The following CDH9 variants were observed in gnomAD, a reference collection of about 807,000 sequenced individuals.
CDH9 encodes cadherin 9.
A neutral mutation model predicts 70.9 loss-of-function variants in CDH9; 28 were observed. The observed-to-expected ratio is 0.40, with a 90% CI of 0.29 to 0.54. The LOEUF is 0.54. Among genes scored for constraint, CDH9 ranks in the 20% least tolerant of loss-of-function variants. CDH9 has a pLI of 0.59. For missense variants in CDH9, 874 were observed against 984.4 expected (o/e 0.89, Z 1.50); for synonymous variants, 409 against 343.1 (o/e 1.19, Z -2.12).
At chr5:26,921,019 T>C (rs1561195609) in intron 2 of CDH9, among the ~76,000 whole-genome samples, 2 of 152,098 alleles carry the variant, frequency 1.3e-5, no homozygotes, top group Admixed American at 6.5e-5. Flanking sequence ...ATGAACTAAA[T>C]AGGGCACCAG....
chr5:26,929,901 T>C (rs377343733), intron 2 of CDH9, among the ~76,000 whole-genome samples: 2 of 151,884 alleles, frequency 1.3e-5, no homozygotes. Context: ...AAAATATAGT[T>C]AGGGGGAATG....
intron 2 of CDH9, among the ~76,000 whole-genome samples, chr5:26,952,130 A>T (rs1741856729): frequency 6.6e-6 from 1 of 150,562 alleles, no homozygotes; most frequent in Non-Finnish European, 1.5e-5. Flanking sequence ...CACCTGGCTA[A>T]TTTTTGTATT....
chr5:27,008,028 G>C (rs1031791391), intron 1 of CDH9, among the ~76,000 whole-genome samples: 7 of 152,052 alleles, frequency 4.6e-5, no homozygotes, highest in African/African-American at 1.7e-4. Flanking sequence ...TATACATGTG[G>C]AACAGAAAAA....
chr5:26,976,804 A>G (rs1034732552), intron 2 of CDH9, among the ~76,000 whole-genome samples: 4 of 152,044 alleles, frequency 2.6e-5, no homozygotes, highest in Non-Finnish European at 5.9e-5. Context: ...TTTGTGAATT[A>G]TCTATTAAGT....
intron 5 of CDH9, among the ~76,000 whole-genome samples, chr5:26,904,179 T>C (rs1364468680): frequency 6.8e-6 from 1 of 147,272 alleles, no homozygotes; most frequent in Non-Finnish European, 1.5e-5. Flanking sequence ...GTCATCACAC[T>C]TTTTTTTTTA....
At chr5:26,938,447 C>T (rs1312872698) in intron 2 of CDH9, among the ~76,000 whole-genome samples, 1 of 151,860 alleles carries the variant, frequency 6.6e-6, no homozygotes, top group South Asian at 2.1e-4. Context: ...GTGGAAATCT[C>T]AGGATAGGAT....
intron 2 of CDH9, among the ~76,000 whole-genome samples, chr5:26,952,419 C>T (rs1239252078): frequency 7.8e-6 from 1 of 127,746 alleles, no homozygotes; most frequent in East Asian, 2.4e-4. Flanking sequence ...TCGAGACCAT[C>T]CTGGCTAACA....
chr5:26,982,962 G>A (rs940814655), intron 2 of CDH9, among the ~76,000 whole-genome samples: 3 of 152,110 alleles, frequency 2.0e-5, no homozygotes, highest in Non-Finnish European at 4.4e-5. Context: ...TAGGATTGCA[G>A]GCGTGAGCCA....
intron 3 of CDH9, among the ~76,000 whole-genome samples, chr5:26,912,685 CTAGATTTTGAATAA>C (rs1390133415): frequency 3.9e-5 from 6 of 151,906 alleles, no homozygotes; most frequent in Non-Finnish European, 8.8e-5. Context: ...GATTTCCAGA[CTAGATTTTGAATAA>C]TAAATAATAA....
At chr5:27,003,859 T>A (rs1742813477) in intron 1 of CDH9, among the ~76,000 whole-genome samples, 1 of 152,020 alleles carries the variant, frequency 6.6e-6, no homozygotes. Context: ...CTATAAAGTT[T>A]AAATATAAAA....
intron 1 of CDH9, among the ~76,000 whole-genome samples, chr5:26,998,986 C>A (rs1026146464): frequency 1.3e-5 from 2 of 152,062 alleles, no homozygotes; most frequent in African/African-American, 4.8e-5. Flanking sequence ...GTGGCTCATG[C>A]CTGTAATCCC....
At chr5:26,978,041 T>C (rs1049439016) in intron 2 of CDH9, among the ~76,000 whole-genome samples, 2 of 152,080 alleles carry the variant, frequency 1.3e-5, no homozygotes, top group African/African-American at 4.8e-5. Flanking sequence ...TCCAGTGCAA[T>C]TTTACTTCCT....
intron 2 of CDH9, among the ~76,000 whole-genome samples, chr5:26,949,328 C>A (rs753881557): frequency 6.6e-6 from 1 of 151,868 alleles, no homozygotes; most frequent in Non-Finnish European, 1.5e-5. Flanking sequence ...GATTTGTGGG[C>A]GATTGATATA....
At chr5:26,946,153 A>G (rs1741748775) in intron 2 of CDH9, among the ~76,000 whole-genome samples, 1 of 152,180 alleles carries the variant, frequency 6.6e-6, no homozygotes, top group Non-Finnish European at 1.5e-5. Flanking sequence ...GAAAGTTTCT[A>G]GCTGTGTGAA....
At chr5:26,974,455 C>G (rs931516933) in intron 2 of CDH9, among the ~76,000 whole-genome samples, 1 of 151,900 alleles carries the variant, frequency 6.6e-6, no homozygotes, top group African/African-American at 2.4e-5. Flanking sequence ...GCCGTGATTA[C>G]AATAGGACTA....
chr5:26,932,680 G>T (rs1463332806), intron 2 of CDH9, among the ~76,000 whole-genome samples: 1 of 151,924 alleles, frequency 6.6e-6, no homozygotes, highest in Non-Finnish European at 1.5e-5. Flanking sequence ...ACAGCATATT[G>T]CTGAGTCTTG....
chr5:26,904,878 T>C (rs1446161592), intron 5 of CDH9, among the ~76,000 whole-genome samples: 1 of 152,094 alleles, frequency 6.6e-6, no homozygotes, highest in African/African-American at 2.4e-5. Flanking sequence ...ATTACTCTTA[T>C]AGTTCCAAAG....
chr5:26,924,890 T>C (rs1202940898), intron 2 of CDH9, among the ~76,000 whole-genome samples: 1 of 152,156 alleles, frequency 6.6e-6, no homozygotes, highest in African/African-American at 2.4e-5. Flanking sequence ...CTCAACATTT[T>C]TTATGGCTGC....
chr5:26,929,226 G>A (rs1279875497), intron 2 of CDH9, among the ~76,000 whole-genome samples: 1 of 151,998 alleles, frequency 6.6e-6, no homozygotes, highest in Non-Finnish European at 1.5e-5. Context: ...TGGCAAACAC[G>A]TATATGAAAA....
Sources: allele counts gnomAD v4.1 joint callset (sites outside exome capture counted in the v4.1 genomes callset), GRCh38; gene constraint gnomAD v4.1.1; transcripts MANE v1.5; gene names NCBI Gene and HGNC (gene_info 2026-07-23, HGNC 2026-07-21).